The following LRP1B variants were observed in gnomAD, a reference collection of about 807,000 sequenced individuals.
The protein encoded by LRP1B is LDL receptor related protein 1B.
LRP1B carries 217 observed loss-of-function variants against 556.6 expected under a neutral mutation model. That is an observed-to-expected ratio of 0.39 (90% CI 0.35 to 0.44). The LOEUF is 0.44. Ranked by LOEUF, LRP1B falls within the 20% of genes least tolerant of loss-of-function variation. LRP1B has a pLI of 1.00. For synonymous variants in LRP1B, 2,047 were observed against 1,865.8 expected, an observed-to-expected ratio of 1.10 and a Z score of -2.50; for missense variants, 5,053 against 5,620.8, an observed-to-expected ratio of 0.90 and a Z score of 3.23.
intron 7 of LRP1B, among the ~76,000 whole-genome samples, chr2:141,080,786 T>G (rs999464272): frequency 2.0e-5 from 3 of 152,218 alleles, no homozygotes; most frequent in Admixed American, 6.5e-5. Flanking sequence ...TATGGTCAAC[T>G]GCAGTCCACA....
intron 60 of LRP1B, among the ~76,000 whole-genome samples, chr2:140,458,894 A>G (rs1687209290): frequency 6.6e-6 from 1 of 152,004 alleles, no homozygotes; most frequent in Admixed American, 6.6e-5. Flanking sequence ...AAAAGACAAT[A>G]GAAATAAAAG....
At chr2:141,927,076 G>A (rs1700354371) in intron 1 of LRP1B, among the ~76,000 whole-genome samples, 1 of 152,050 alleles carries the variant, frequency 6.6e-6, no homozygotes, top group Admixed American at 6.6e-5. Flanking sequence ...TTAAAGGTAA[G>A]GGTTCCATAT....
chr2:140,740,762 A>T (rs1688109179), intron 35 of LRP1B, among the ~76,000 whole-genome samples: 1 of 152,168 alleles, frequency 6.6e-6, no homozygotes, highest in Non-Finnish European at 1.5e-5. Context: ...CTTGGCCTGT[A>T]GATGGCCATC....
At chr2:140,906,984 A>C (rs1346788631) in intron 22 of LRP1B, among the ~76,000 whole-genome samples, 7 of 151,768 alleles carry the variant, frequency 4.6e-5, no homozygotes, top group African/African-American at 1.7e-4. Context: ...AAAAAAAAAA[A>C]AACTTCCTTT....
At chr2:141,047,735 A>G (rs1698918604) in intron 11 of LRP1B, among the ~76,000 whole-genome samples, 2 of 152,052 alleles carry the variant, frequency 1.3e-5, no homozygotes, top group Admixed American at 6.6e-5. Context: ...ATTATCTGTA[A>G]AGGAACCTCC....
intron 35 of LRP1B, among the ~76,000 whole-genome samples, chr2:140,733,934 G>T (rs1156268415): frequency 6.6e-6 from 1 of 152,308 alleles, no homozygotes; most frequent in Non-Finnish European, 1.5e-5. Context: ...TAAGTAGATT[G>T]TCTGGCATCA....
chr2:141,058,930 T>C lies in LRP1B; in HGVS notation c.1361A>G (p.Glu454Gly), dbSNP rs768963905. The C allele has an allele frequency of 3.8e-6, 6 of 1,599,444 alleles. No homozygotes were observed. The highest frequency in any genetic ancestry group is 5.1e-6 in the Non-Finnish European group (6 of 1,173,994). ...GTDIHSLIKI[E>G]NAWGIRIYQK... Reference sequence around the variant, plus strand: ...ATAAATTCGGATTCCCCAAGCATTCTCAATTTTAATTAATGAGTGAATATC... The same window carrying C: ...ATAAATTCGGATTCCCCAAGCATTCCCAATTTTAATTAATGAGTGAATATC... The change falls in exon 9 of 91, where the codon GAG becomes GGG. Residue 454 changes from glutamate (E) to glycine (G), a missense_variant. Transcript: ENST00000389484.
intron 5 of LRP1B, among the ~76,000 whole-genome samples, chr2:141,240,843 A>T (rs1415692888): frequency 6.6e-6 from 1 of 152,130 alleles, no homozygotes; most frequent in Non-Finnish European, 1.5e-5. Flanking sequence ...TTATGAAGAA[A>T]ATGGAAGACA....
intron 7 of LRP1B, among the ~76,000 whole-genome samples, chr2:141,183,520 T>C (rs1434366525): frequency 6.6e-6 from 1 of 152,024 alleles, no homozygotes; most frequent in Non-Finnish European, 1.5e-5. Context: ...TGAGCTTCAC[T>C]CTCCTGTCTC....
intron 18 of LRP1B, among the ~76,000 whole-genome samples, chr2:140,965,113 C>G (rs1696163042): frequency 6.6e-6 from 1 of 152,102 alleles, no homozygotes; most frequent in Non-Finnish European, 1.5e-5. Flanking sequence ...GCCTGAGCCT[C>G]CATTATAATT....
intron 2 of LRP1B, among the ~76,000 whole-genome samples, chr2:141,695,173 C>G (rs1050549856): frequency 6.6e-6 from 1 of 151,898 alleles, no homozygotes; most frequent in African/African-American, 2.4e-5. Context: ...TCTACAGCTG[C>G]TGTATTTACC....
At chr2:141,304,107 G>C (rs1236114891) in intron 3 of LRP1B, among the ~76,000 whole-genome samples, 1 of 151,926 alleles carries the variant, frequency 6.6e-6, no homozygotes, top group Non-Finnish European at 1.5e-5. Flanking sequence ...TTTTTAATGG[G>C]ATTATTTGTT....
intron 2 of LRP1B, among the ~76,000 whole-genome samples, chr2:141,555,088 C>A (rs1420439058): frequency 2.6e-5 from 4 of 152,004 alleles, no homozygotes; most frequent in Non-Finnish European, 5.9e-5. Flanking sequence ...GTGATGCACT[C>A]TATGAAGGAC....
At chr2:140,611,399 A>G (rs1025871064) in intron 41 of LRP1B, among the ~76,000 whole-genome samples, 2 of 152,174 alleles carry the variant, frequency 1.3e-5, no homozygotes, top group African/African-American at 4.8e-5. Flanking sequence ...AGAAAATATC[A>G]AATTTTGATG....
chr2:141,065,694 G>A (rs1189636993), intron 7 of LRP1B, among the ~76,000 whole-genome samples: 1 of 151,858 alleles, frequency 6.6e-6, no homozygotes, highest in African/African-American at 2.4e-5. Context: ...GAAACAGTGG[G>A]AAAGCCTATG....
intron 83 of LRP1B, among the ~76,000 whole-genome samples, chr2:140,298,368 A>G (rs1423045090): frequency 1.3e-5 from 2 of 152,198 alleles, no homozygotes; most frequent in African/African-American, 4.8e-5. Context: ...ACAATTTCAC[A>G]TTGTTCAAAC....
intron 43 of LRP1B, among the ~76,000 whole-genome samples, chr2:140,564,543 T>TA (rs1258050161): frequency 6.6e-6 from 1 of 152,022 alleles, no homozygotes; most frequent in Non-Finnish European, 1.5e-5. Flanking sequence ...ATATAATCAA[T>TA]AAAAAATGTT....
At chr2:141,207,899 C>T (rs1355130834) in intron 6 of LRP1B, among the ~76,000 whole-genome samples, 2 of 152,234 alleles carry the variant, frequency 1.3e-5, no homozygotes, top group African/African-American at 4.8e-5. Flanking sequence ...TGATCTTGAA[C>T]TTCTGACCTC....
At position 140,571,101 on chromosome 2, in the gene LRP1B, T is replaced by C. The variant is rs143331935; in HGVS notation, c.7194+27530A>G. The stretch of plus-strand genomic sequence containing the variant: ...TTTTTCTTTAAGAACTGGAACAAGA[T>C]AAGAATGCACTCCCACTCTCATCAC... On this transcript the variant is annotated intron_variant, in intron 43 of 90. Transcript: ENST00000389484. Among the ~76,000 whole-genome samples, 5 of 151,750 alleles carry C rather than the reference T, an allele frequency of 3.3e-5. No individual in the cohort carries two copies. The South Asian group carries it at 1.0e-3, about 31-fold the overall frequency.
Sources: gnomAD v4.1 joint callset for allele counts (sites outside exome capture counted in the v4.1 genomes callset) on GRCh38, gnomAD v4.1.1 for gene constraint, MANE v1.5 for transcripts, NCBI Gene and HGNC (gene_info 2026-07-23, HGNC 2026-07-21) for gene names.